ANKRD54: variants seen among roughly 807,000 people sequenced by gnomAD.
The protein encoded by ANKRD54 is ankyrin repeat domain 54, also known as ankyrin repeat domain-containing protein 54.
In ANKRD54, 26 loss-of-function variants were observed where a neutral mutation model predicts 36.2. The ratio of observed to expected loss-of-function variants is 0.72; its 90% confidence interval spans 0.53 to 1.00. The LOEUF (loss-of-function observed/expected upper bound fraction) is 1.00. Among genes scored for constraint, ANKRD54 ranks in the 50% least tolerant of loss-of-function variants. The probability of loss-of-function intolerance (pLI) is 0.00; values close to 1 mark genes in which losing one functional copy is unlikely to be tolerated. For synonymous variants in ANKRD54, 209 were observed against 188.4 expected (o/e 1.11, Z -0.89); for missense variants, 384 against 424.3 (o/e 0.91, Z 0.83).
intron 4 of ANKRD54, 100 bp downstream of exon 4, chr22:37,833,584 T>A (rs1923164534): frequency 7.8e-7 from 1 of 1,282,784 alleles, no homozygotes; most frequent in Non-Finnish European, 1.1e-6. Context: ...TCCCTGACAC[T>A]CACAGTTTCT....
rs1227996360 is a variant in ANKRD54, at chr22:37,832,756, G to A, written c.721-12C>T. 6.2e-7 allele frequency: 1 copy of A among 1,613,792 alleles called. No individual in the cohort carries two copies. The highest frequency in any genetic ancestry group is 8.5e-7 in the Non-Finnish European group (1 of 1,179,850). ...AGCATATGGATGATCTGGAACAAGA[G>A]GGTGAGCTGAGCTGCCTGGGTTCCT... is the stretch of plus-strand genomic sequence containing the variant. On this transcript the variant is annotated splice_polypyrimidine_tract_variant and intron_variant, in intron 6 of 7. Coordinates refer to ENST00000215941, the MANE Select transcript of ANKRD54 (RefSeq NM_138797.4).
Position 37,832,570 on chromosome 22 carries a change from G to A in ANKRD54, c.828+67C>T, listed in dbSNP as rs570155396. On this transcript the variant is annotated intron_variant, in intron 7 of 7. Transcript: ENST00000215941. ...TCTGATACGAGTGTCTGGTGGCATC[G>A]GAGCAGGGTGGACTGGCCCTGAGGC... The A allele has an allele frequency of 1.7e-4, 250 of 1,441,836 alleles. 2 individuals carry two copies. In the South Asian group the frequency reaches 2.6e-3, roughly 15 times the overall value. The allele number at this position is 1,441,836 out of a possible 1,614,324, so 89.3% of individuals were successfully genotyped here. A position where few individuals can be genotyped will look rare whatever the true frequency, so the allele number is the denominator to read the frequency against.
At chr22:37,844,423 G>C (rs1924703040), upstream of ANKRD54, 1 of 564,940 alleles carries the variant, frequency 1.8e-6, no homozygotes, top group East Asian at 3.4e-5. Flanking sequence ...TACCCTTCCA[G>C]CTTAAACCGG....
chr22:37,846,607 C>T (rs1924855596), upstream of ANKRD54, among the ~76,000 whole-genome samples: 2 of 151,954 alleles, frequency 1.3e-5, no homozygotes, highest in Non-Finnish European at 2.9e-5. Flanking sequence ...GCCTGGGCCC[C>T]AATTTTTTTT....
At chr22:37,838,355 G>A (rs1277814099) in intron 3 of ANKRD54, 145 bp downstream of exon 3, 2 of 745,002 alleles carry the variant, frequency 2.7e-6, no homozygotes, top group African/African-American at 3.5e-5. Context: ...AGAGGGAGAA[G>A]GGCAGGGCAC....
At chr22:37,835,738 T>G (rs1311667509) in intron 3 of ANKRD54, among the ~76,000 whole-genome samples, 2 of 151,992 alleles carry the variant, frequency 1.3e-5, no homozygotes, top group Non-Finnish European at 2.9e-5. Context: ...CCTAGGAGAT[T>G]GAGGCTGCAG....
chr22:37,849,128 A>T, upstream of ANKRD54: 2 of 450,196 alleles, frequency 4.4e-6, no homozygotes, highest in Non-Finnish European at 7.9e-6. Context: ...CTGGAATTAC[A>T]GGCATGCGCC....
chr22:37,843,690 G>A, intron 1 of ANKRD54: 1 of 293,866 alleles, frequency 3.4e-6, no homozygotes, highest in Non-Finnish European at 6.2e-6. Flanking sequence ...AGTGAGAGAA[G>A]ACTGGGGTGA....
At chr22:37,833,328 G>GT (rs1923136142) in intron 4 of ANKRD54, 122 bp from the exon 5 acceptor site, 1 of 1,242,224 alleles carries the variant, frequency 8.1e-7, no homozygotes, top group Non-Finnish European at 1.1e-6. Context: ...TACTGAGAAG[G>GT]TATCGCCAAG....
intron 2 of ANKRD54, among the ~76,000 whole-genome samples, chr22:37,839,891 A>T (rs1179848623): frequency 3.3e-5 from 5 of 152,204 alleles, no homozygotes; most frequent in Non-Finnish European, 5.9e-5. Flanking sequence ...TTTGCAGAAG[A>T]CTGTGCTGGC....
intron 1 of ANKRD54, 25 bp downstream of exon 1, chr22:37,843,886 C>A: frequency 1.7e-6 from 2 of 1,209,334 alleles, no homozygotes; most frequent in East Asian, 3.5e-5. Flanking sequence ...CCGCCCCGGG[C>A]CCCCGCGCCG....
intron 1 of ANKRD54, among the ~76,000 whole-genome samples, chr22:37,841,896 T>TAAATAAAA (rs1161539980): frequency 4.4e-5 from 6 of 136,458 alleles, no homozygotes; most frequent in Non-Finnish European, 7.9e-5. Flanking sequence ...AATAAATAAA[T>TAAATAAAA]AAAATAAAAA....
upstream of ANKRD54, chr22:37,847,884 T>A (rs1249790020): frequency 4.8e-5 from 14 of 292,170 alleles, no homozygotes; most frequent in Admixed American, 7.1e-4. Flanking sequence ...ATTGCAATTC[T>A]CAATAGGATG....
upstream of ANKRD54, among the ~76,000 whole-genome samples, chr22:37,846,876 C>T (rs1169261973): frequency 1.5e-4 from 14 of 93,308 alleles, no homozygotes; most frequent in East Asian, 4.1e-3. Flanking sequence ...TTTTTTGAGA[C>T]GGAGTCTCGC....
upstream of ANKRD54, chr22:37,848,518 C>G (rs980960448): frequency 6.6e-6 from 1 of 152,096 alleles, no homozygotes; most frequent in African/African-American, 2.4e-5. Context: ...GCTTCAGCCT[C>G]CTGAGTAGCT....
At chr22:37,843,609 C>T (rs1601739523) in intron 1 of ANKRD54, 1 of 213,748 alleles carries the variant, frequency 4.7e-6, no homozygotes. Context: ...AAAAGTGTTC[C>T]CCAGTACCTC....
chr22:37,843,646 C>A (rs530412444), intron 1 of ANKRD54: 2 of 255,640 alleles, frequency 7.8e-6, no homozygotes, highest in South Asian at 3.5e-4. Flanking sequence ...ATAAGCGTTC[C>A]GAGTCATGGG....
upstream of ANKRD54, among the ~76,000 whole-genome samples, chr22:37,845,685 A>G (rs1924797050): frequency 6.6e-6 from 1 of 152,140 alleles, no homozygotes; most frequent in Admixed American, 6.6e-5. Flanking sequence ...CCTGGCCAAC[A>G]TGATGAAACC....
upstream of ANKRD54, chr22:37,849,269 G>A (rs1006786278): frequency 3.7e-5 from 28 of 751,474 alleles, no homozygotes; most frequent in East Asian, 2.6e-4. Context: ...TGGGGTTACA[G>A]GTGTGAGCCA....
Sources: allele counts gnomAD v4.1 joint callset (sites outside exome capture counted in the v4.1 genomes callset), GRCh38; gene constraint gnomAD v4.1.1; transcripts MANE v1.5; gene names NCBI Gene and HGNC (gene_info 2026-07-23, HGNC 2026-07-21).